ADAMTSL3: variants seen among roughly 807,000 people sequenced by gnomAD.
The protein encoded by ADAMTSL3 is ADAMTS like 3, also known as ADAMTS-like protein 3.
In ADAMTSL3, 128 loss-of-function variants were observed where a neutral mutation model predicts 201.7. The observed-to-expected ratio is 0.63, with a 90% confidence interval of 0.55 to 0.73. The LOEUF (loss-of-function observed/expected upper bound fraction) is 0.73. Among genes scored for constraint, ADAMTSL3 ranks in the 30% least tolerant of loss-of-function variants. The pLI is 0.00. For missense variants in ADAMTSL3, 1,990 were observed against 2,119.6 expected, an observed-to-expected ratio of 0.94 and a Z score of 1.20; for synonymous variants, 738 against 748.4, an observed-to-expected ratio of 0.99 and a Z score of 0.23.
rs894182842 is a variant in ADAMTSL3 at position 83,970,593 on chromosome 15, C to G, written c.2600C>G (p.Pro867Arg). 3 of 1,614,190 alleles carry G rather than the reference C, an allele frequency of 1.9e-6. No individual in the cohort carries two copies. In the South Asian group the frequency reaches 3.3e-5, roughly 18 times the overall value. The change falls in exon 20 of 30, where the codon CCA becomes CGA. Residue 867 changes from proline (P) to arginine (R), a missense_variant. Coordinates refer to ENST00000286744, the MANE Select transcript of ADAMTSL3 (RefSeq NM_207517.3). Reference protein sequence around the residue: ...PLSEMMCRDLPGLPLVRSCQM... With the variant: ...PLSEMMCRDLRGLPLVRSCQM... Reference sequence around the variant, plus strand: ...AGTGAGATGATGTGCAGGGATCTACCAGGGCTCCCTCTTGTAAGATCTTGC... The same window carrying G: ...AGTGAGATGATGTGCAGGGATCTACGAGGGCTCCCTCTTGTAAGATCTTGC...
chr15:83,937,696 G>A (rs996980667), intron 17 of ADAMTSL3, among the ~76,000 whole-genome samples: 2 of 150,952 alleles, frequency 1.3e-5, no homozygotes, highest in African/African-American at 2.5e-5. Context: ...AAAAGTCAAG[G>A]ATCAGTGCTA....
intron 3 of ADAMTSL3, among the ~76,000 whole-genome samples, chr15:83,725,858 A>G (rs1184350357): frequency 2.0e-5 from 3 of 152,062 alleles, no homozygotes; most frequent in Non-Finnish European, 4.4e-5. Context: ...TTTGGTCAGG[A>G]TAGCTTTGGC....
At chr15:83,965,030 C>A (rs932575667) in intron 19 of ADAMTSL3, among the ~76,000 whole-genome samples, 5 of 152,126 alleles carry the variant, frequency 3.3e-5, no homozygotes, top group African/African-American at 9.7e-5. Flanking sequence ...AAGCACTAAA[C>A]ATGGAAAGGA....
chr15:83,694,283 C>T (rs570745528), intron 2 of ADAMTSL3: 2 of 152,368 alleles, frequency 1.3e-5, no homozygotes, highest in South Asian at 4.1e-4. Flanking sequence ...CCAGCATTCT[C>T]TCTCTCCTGG....
intron 7 of ADAMTSL3, among the ~76,000 whole-genome samples, chr15:83,849,633 C>T (rs1011379115): frequency 2.6e-5 from 4 of 152,252 alleles, no homozygotes; most frequent in South Asian, 2.1e-4. Context: ...TCTTTATCAT[C>T]GCCTCCAGCT....
At chr15:83,853,638 A>G (rs1469104572) in intron 7 of ADAMTSL3, among the ~76,000 whole-genome samples, 1 of 152,158 alleles carries the variant, frequency 6.6e-6, no homozygotes, top group Non-Finnish European at 1.5e-5. Flanking sequence ...CAACACTAGC[A>G]TTTGTTGGGT....
intron 19 of ADAMTSL3, among the ~76,000 whole-genome samples, chr15:83,957,313 CT>C (rs2066880823): frequency 6.6e-6 from 1 of 152,076 alleles, no homozygotes; most frequent in African/African-American, 2.4e-5. Context: ...ATTGTGAAGG[CT>C]TTAGGGTATT....
intron 23 of ADAMTSL3, among the ~76,000 whole-genome samples, chr15:84,004,199 T>C (rs1476895147): frequency 2.0e-5 from 3 of 152,198 alleles, no homozygotes; most frequent in African/African-American, 7.2e-5. Flanking sequence ...TGACACATAC[T>C]ACAGTCAGGT....
chr15:83,717,694 AAAAAT>A (rs1421089262), intron 3 of ADAMTSL3, among the ~76,000 whole-genome samples: 6 of 152,340 alleles, frequency 3.9e-5, no homozygotes, highest in African/African-American at 1.2e-4. Context: ...CCTAAGAATA[AAAAAT>A]AAAATAATAA....
intron 25 of ADAMTSL3, 148 bp from the exon 26 acceptor site, chr15:84,021,262 G>A (rs2141911877): frequency 1.3e-6 from 1 of 752,436 alleles, no homozygotes; most frequent in South Asian, 1.9e-5. Context: ...AAGATTTAGA[G>A]GACTCCCTTG....
intron 3 of ADAMTSL3, among the ~76,000 whole-genome samples, chr15:83,713,687 G>A (rs1176245469): frequency 1.3e-5 from 2 of 152,204 alleles, no homozygotes; most frequent in Non-Finnish European, 2.9e-5. Flanking sequence ...AGACTTCGCC[G>A]ATTCTCTGCA....
intron 3 of ADAMTSL3, among the ~76,000 whole-genome samples, chr15:83,738,253 T>TA (rs1189243976): frequency 6.6e-6 from 1 of 152,228 alleles, no homozygotes; most frequent in East Asian, 1.9e-4. Context: ...TCAGAATGTA[T>TA]AAAGGAGTAT....
intron 29 of ADAMTSL3, 24 bp downstream of exon 29, chr15:84,037,011 C>T (rs1458351250): frequency 1.2e-6 from 2 of 1,609,762 alleles, no homozygotes; most frequent in Non-Finnish European, 1.7e-6. Context: ...CCAGGTATCT[C>T]CACTGCCCCA....
intron 8 of ADAMTSL3, among the ~76,000 whole-genome samples, chr15:83,869,071 A>G (rs192007943): frequency 5.3e-4 from 81 of 152,316 alleles, no homozygotes; most frequent in African/African-American, 1.9e-3. Flanking sequence ...CGCGGAATCC[A>G]TTGCACGCTA....
intron 5 of ADAMTSL3, among the ~76,000 whole-genome samples, chr15:83,807,346 C>A (rs1261775563): frequency 6.6e-6 from 1 of 151,976 alleles, no homozygotes; most frequent in East Asian, 1.9e-4. Flanking sequence ...ATCCCAGCTA[C>A]TTGGGAGGCT....
chr15:83,992,483 A>G (rs2067599070), intron 23 of ADAMTSL3, among the ~76,000 whole-genome samples: 2 of 152,332 alleles, frequency 1.3e-5, no homozygotes, highest in East Asian at 3.9e-4. Flanking sequence ...TTCTCTGGCC[A>G]TAGCAAGGAG....
intron 3 of ADAMTSL3, among the ~76,000 whole-genome samples, chr15:83,771,405 T>A (rs1034019292): frequency 2.0e-5 from 3 of 152,218 alleles, no homozygotes; most frequent in Non-Finnish European, 2.9e-5. Flanking sequence ...TAATTTTGCA[T>A]GGTTGAAACT....
chr15:83,795,117 G>T (rs2063403485), intron 4 of ADAMTSL3, among the ~76,000 whole-genome samples: 1 of 152,056 alleles, frequency 6.6e-6, no homozygotes, highest in Admixed American at 6.6e-5. Flanking sequence ...TCCTCCCAAA[G>T]TGCTGGGATT....
At chr15:83,743,547 G>A (rs976643338) in intron 3 of ADAMTSL3, among the ~76,000 whole-genome samples, 5 of 150,136 alleles carry the variant, frequency 3.3e-5, no homozygotes, top group Non-Finnish European at 4.4e-5. Flanking sequence ...AAAAAAGTGT[G>A]CTTTCCCTTG....
Sources: gnomAD v4.1 joint callset for allele counts (sites outside exome capture counted in the v4.1 genomes callset) on GRCh38, gnomAD v4.1.1 for gene constraint, MANE v1.5 for transcripts, NCBI Gene and HGNC (gene_info 2026-07-23, HGNC 2026-07-21) for gene names.